CDH20: variants seen among roughly 807,000 people sequenced by gnomAD.
The protein encoded by CDH20 is cadherin-20.
Under a neutral mutation model 74.2 loss-of-function variants are expected in CDH20, and 29 were observed. The observed-to-expected ratio is 0.39, with a 90% CI of 0.29 to 0.53. CDH20 has a LOEUF of 0.53. CDH20 is among the 20% of genes least tolerant of loss of function. The pLI, the probability that CDH20 is intolerant of heterozygous loss-of-function variation, is 0.69. For missense variants in CDH20, 988 were observed against 1,048.3 expected, an observed-to-expected ratio of 0.94 and a Z score of 0.79; for synonymous variants, 469 against 405.4, an observed-to-expected ratio of 1.16 and a Z score of -1.88.
intron 6 of CDH20, among the ~76,000 whole-genome samples, chr18:61,521,953 G>A (rs1174691556): frequency 1.3e-5 from 2 of 152,114 alleles, no homozygotes; most frequent in African/African-American, 4.8e-5. Context: ...CAAACCCACA[G>A]CCAATATTAT....
intron 2 of CDH20, among the ~76,000 whole-genome samples, chr18:61,493,078 G>A (rs1433930620): frequency 1.3e-5 from 2 of 152,210 alleles, no homozygotes; most frequent in East Asian, 3.8e-4. Flanking sequence ...CATTTAAGGA[G>A]TTCATTATGG....
chr18:61,425,998 C>A (rs1342751242), intron 1 of CDH20, among the ~76,000 whole-genome samples: 3 of 152,128 alleles, frequency 2.0e-5, no homozygotes, highest in African/African-American at 7.2e-5. Context: ...ATTTAATTTG[C>A]AAATCGTTCA....
chr18:61,507,205 C>T (rs1911597780), intron 5 of CDH20, among the ~76,000 whole-genome samples, 168 bp from the exon 6 acceptor site: 1 of 152,144 alleles, frequency 6.6e-6, no homozygotes, highest in Non-Finnish European at 1.5e-5. Flanking sequence ...CCTGTATGAC[C>T]GTTTGCTCAG....
At chr18:61,363,532 T>C (rs1410790259) in intron 1 of CDH20, among the ~76,000 whole-genome samples, 2 of 152,158 alleles carry the variant, frequency 1.3e-5, no homozygotes, top group Non-Finnish European at 2.9e-5. Context: ...TTAATGTATT[T>C]GGTATTATTT....
intron 1 of CDH20, among the ~76,000 whole-genome samples, chr18:61,352,551 G>A (rs765776216): frequency 2.6e-5 from 4 of 152,096 alleles, no homozygotes; most frequent in African/African-American, 4.8e-5. Context: ...CTGGATCACC[G>A]TATCATGTCT....
chr18:61,479,105 A>G (rs974545799), intron 1 of CDH20, among the ~76,000 whole-genome samples: 11 of 152,094 alleles, frequency 7.2e-5, no homozygotes, highest in Non-Finnish European at 2.9e-5. Context: ...ATCTATTTCA[A>G]ACCTTTCTTT....
chr18:61,414,787 T>G (rs11660023), intron 1 of CDH20, among the ~76,000 whole-genome samples: 33,794 of 151,864 alleles, frequency 0.22, 4,115 homozygotes, highest in Middle Eastern at 0.35. Flanking sequence ...ATTAAAATAA[T>G]TATTAAGAAT....
intron 7 of CDH20, among the ~76,000 whole-genome samples, chr18:61,528,673 G>A (rs919043951): frequency 6.6e-6 from 1 of 152,084 alleles, no homozygotes; most frequent in Non-Finnish European, 1.5e-5. Context: ...CAGGGAAGTG[G>A]TGTAAAATCA....
chr18:61,451,715 A>T (rs1368096831), intron 1 of CDH20, among the ~76,000 whole-genome samples: 1 of 151,952 alleles, frequency 6.6e-6, no homozygotes, highest in Non-Finnish European at 1.5e-5. Context: ...CATTTGTCAA[A>T]TCATGGCTGA....
At chr18:61,426,099 G>C (rs1405828102) in intron 1 of CDH20, among the ~76,000 whole-genome samples, 1 of 151,558 alleles carries the variant, frequency 6.6e-6, no homozygotes, top group East Asian at 1.9e-4. Flanking sequence ...TCATAGTTTT[G>C]GGGTTTTTTA....
chr18:61,458,116 C>T (rs1909639713), intron 1 of CDH20, among the ~76,000 whole-genome samples: 1 of 152,168 alleles, frequency 6.6e-6, no homozygotes, highest in Non-Finnish European at 1.5e-5. Flanking sequence ...TGTTGTCTGC[C>T]TGAGTCTTGC....
chr18:61,338,104 C>A (rs1909816738), intron 1 of CDH20, among the ~76,000 whole-genome samples: 1 of 152,048 alleles, frequency 6.6e-6, no homozygotes, highest in African/African-American at 2.4e-5. Flanking sequence ...TTATTTTATC[C>A]ATCACAAATC....
At chr18:61,372,800 C>A (rs557960421) in intron 1 of CDH20, among the ~76,000 whole-genome samples, 6 of 152,062 alleles carry the variant, frequency 3.9e-5, no homozygotes, top group Non-Finnish European at 5.9e-5. Flanking sequence ...GTGCACAAAG[C>A]CTAAGGTATT....
At chr18:61,432,766 C>T (rs1322841952) in intron 1 of CDH20, among the ~76,000 whole-genome samples, 3 of 152,138 alleles carry the variant, frequency 2.0e-5, no homozygotes, top group Admixed American at 2.0e-4. Context: ...TCTTCCTCTC[C>T]CTTCCCTTTT....
chr18:61,382,927 A>G (rs1032126372), intron 1 of CDH20, among the ~76,000 whole-genome samples: 2 of 152,072 alleles, frequency 1.3e-5, no homozygotes, highest in Middle Eastern at 3.2e-3. Context: ...CAGATTGTGA[A>G]CTCTGGCAGC....
Position 61,353,038 on chromosome 18 carries a change from C to T in CDH20, c.-153+19211C>T, listed in dbSNP as rs930388142. Among the ~76,000 whole-genome samples the T allele has an allele frequency of 9.9e-5, 15 of 152,200 alleles. No individual in the cohort carries two copies. Among genetic ancestry groups the T allele is most frequent in the African/African-American group, 3.1e-4 (13 of 41,454 alleles). On this transcript the variant is annotated intron_variant, in intron 1 of 11. Transcript: ENST00000262717. This position sits in a 1 kb window ranked among gnomAD's most constrained non-coding sequence, Gnocchi z 4.6. ...AACATGGTCTCCCAGTCAGCCTCTT[C>T]TCTAGCAACCTTCACATGCTGTCCA...
intron 1 of CDH20, among the ~76,000 whole-genome samples, chr18:61,409,144 C>T (rs1360313441): frequency 6.6e-6 from 1 of 152,172 alleles, no homozygotes; most frequent in Non-Finnish European, 1.5e-5. Context: ...TGCCTCCAAC[C>T]CATTCTGAGC....
At chr18:61,506,143 A>G (rs1175748555) in intron 5 of CDH20, among the ~76,000 whole-genome samples, 1 of 152,248 alleles carries the variant, frequency 6.6e-6, no homozygotes, top group Non-Finnish European at 1.5e-5. Context: ...ATAATGTATC[A>G]TGTAGAAATT....
rs562809921 is a variant in CDH20 at position 61,473,439 on chromosome 18, G to A, written c.-152-16963G>A. ...CTTGGTTCCTGTTAGACTGTTCTTA[G>A]CCTCATAAGAACAAAAACTGGTAAA... On this transcript the variant is annotated intron_variant, in intron 1 of 11. Coordinates refer to ENST00000262717, the MANE Select transcript of CDH20 (RefSeq NM_031891.4). 3.9e-5 allele frequency among the ~76,000 whole-genome samples: 6 copies of A among 152,152 alleles called. No homozygotes were observed. The East Asian group carries it at 1.2e-3, about 29-fold the overall frequency.
Sources: allele counts gnomAD v4.1 joint callset (sites outside exome capture counted in the v4.1 genomes callset), GRCh38; gene constraint gnomAD v4.1.1; non-coding constraint Gnocchi (gnomAD v3.1); transcripts MANE v1.5; gene names NCBI Gene and HGNC (gene_info 2026-07-23, HGNC 2026-07-21).